Variants in SLC7A14 observed in about 807,000 individuals in gnomAD.
SLC7A14 encodes the protein solute carrier family 7 member 14.
SLC7A14 carries 37 observed loss-of-function variants against 60.2 expected under a neutral mutation model. That is an observed-to-expected ratio of 0.61 (90% CI 0.47 to 0.81). SLC7A14 has a LOEUF of 0.81. SLC7A14 is among the 30% of genes least tolerant of loss of function. SLC7A14 has a pLI of 0.00. For synonymous variants in SLC7A14, 399 were observed against 395.8 expected, an observed-to-expected ratio of 1.01 and a Z score of -0.10; for missense variants, 886 against 982.7, an observed-to-expected ratio of 0.90 and a Z score of 1.32.
intron 2 of SLC7A14, among the ~76,000 whole-genome samples, chr3:170,520,707 A>G (rs1310868919): frequency 6.6e-6 from 1 of 152,208 alleles, no homozygotes; most frequent in Non-Finnish European, 1.5e-5. Context: ...GTTATTATAG[A>G]CAGTGTATGA....
At chr3:170,577,501 C>A (rs1259419178) in intron 1 of SLC7A14, among the ~76,000 whole-genome samples, 2 of 151,358 alleles carry the variant, frequency 1.3e-5, no homozygotes, top group South Asian at 4.2e-4. Flanking sequence ...GCCTGTAGTC[C>A]CAGCTACTCG....
intron 1 of SLC7A14, among the ~76,000 whole-genome samples, chr3:170,584,249 TTATC>T (rs1327396986): frequency 3.3e-5 from 5 of 152,144 alleles, no homozygotes; most frequent in Non-Finnish European, 5.9e-5. Flanking sequence ...TTAGCGATCT[TTATC>T]TAGAGCATGT....
chr3:170,473,056 CAT>C (rs1288199259), intron 7 of SLC7A14, among the ~76,000 whole-genome samples: 2 of 152,294 alleles, frequency 1.3e-5, no homozygotes, highest in Non-Finnish European at 2.9e-5. Flanking sequence ...CATTGGGACT[CAT>C]ATCTCTTAAC....
At position 170,585,347 on chromosome 3, in the gene SLC7A14, G is replaced by C. The variant is rs950830886; in HGVS notation, c.-153+564C>G. Among the ~76,000 whole-genome samples the C allele has an allele frequency of 3.9e-5, 6 of 152,176 alleles. No homozygotes were observed. The highest frequency in any genetic ancestry group is 7.4e-5 in the Non-Finnish European group (5 of 68,018). On this transcript the variant is annotated intron_variant, in intron 1 of 7. Coordinates refer to ENST00000231706, the MANE Select transcript of SLC7A14 (RefSeq NM_020949.3). The surrounding 1 kb of genome is among the most constrained non-coding windows in gnomAD (Gnocchi z 5.1). ...GGGGCGCCACCATCCTGGTCGGGGT[G>C]CTGGGCTCGGCGGGAGTCCCTTTGA...
At chr3:170,572,229 A>T (rs1017743714) in intron 1 of SLC7A14, among the ~76,000 whole-genome samples, 3 of 152,200 alleles carry the variant, frequency 2.0e-5, no homozygotes, top group Non-Finnish European at 2.9e-5. Flanking sequence ...ATTAGGATTG[A>T]TCAGCTTCTG....
At position 170,465,501 on chromosome 3, in the gene SLC7A14, G is replaced by C. The variant is rs961595310; in HGVS notation, c.*1554C>G. The C allele has an allele frequency of 6.6e-6, 1 of 152,236 alleles. No individual in the cohort carries two copies. The highest frequency in any genetic ancestry group is 1.5e-5 in the Non-Finnish European group (1 of 68,054). The allele number at this position is 152,236 out of a possible 1,614,324, so 9.4% of individuals were successfully genotyped here. On this transcript the variant is annotated 3_prime_UTR_variant, in exon 8 of 8. Coordinates refer to ENST00000231706, the MANE Select transcript of SLC7A14 (RefSeq NM_020949.3). The stretch of plus-strand genomic sequence containing the variant: ...TTGCCATAATCCTAAAGCATGCCAA[G>C]ATGGCATGAGCCTCAGCCTTTCAGA...
At chr3:170,560,459 A>G (rs1214916876) in intron 1 of SLC7A14, among the ~76,000 whole-genome samples, 1 of 152,230 alleles carries the variant, frequency 6.6e-6, no homozygotes, top group Non-Finnish European at 1.5e-5. Context: ...CAACTCACAG[A>G]AAAGGAAGTC....
chr3:170,527,849 C>G (rs966794607), intron 1 of SLC7A14, among the ~76,000 whole-genome samples: 2 of 152,148 alleles, frequency 1.3e-5, no homozygotes, highest in African/African-American at 4.8e-5. Context: ...TGTCAACTCA[C>G]TCTCTTTTAC....
intron 1 of SLC7A14, among the ~76,000 whole-genome samples, chr3:170,561,880 C>G (rs532851490): frequency 2.0e-5 from 3 of 151,976 alleles, no homozygotes; most frequent in African/African-American, 7.3e-5. Flanking sequence ...GGCCAACAAA[C>G]GTATGAAAAA....
At chr3:170,482,907 T>TTC (rs913168843) in intron 6 of SLC7A14, among the ~76,000 whole-genome samples, 1 of 152,088 alleles carries the variant, frequency 6.6e-6, no homozygotes. Flanking sequence ...TGTTGACTTT[T>TTC]TTTTTTTTTC....
At chr3:170,522,167 T>A (rs532702035) in intron 2 of SLC7A14, among the ~76,000 whole-genome samples, 4 of 152,330 alleles carry the variant, frequency 2.6e-5, no homozygotes, top group African/African-American at 7.2e-5. Context: ...GGCAAAGAAC[T>A]GGAACTTTCA....
At chr3:170,478,416 T>C (rs922272697) in intron 7 of SLC7A14, among the ~76,000 whole-genome samples, 1 of 118,032 alleles carries the variant, frequency 8.5e-6, no homozygotes, top group African/African-American at 2.6e-5. Context: ...GGTTAAAATC[T>C]TGATGAGTCA....
At chr3:170,529,032 A>C (rs1713595504) in intron 1 of SLC7A14, among the ~76,000 whole-genome samples, 1 of 152,264 alleles carries the variant, frequency 6.6e-6, no homozygotes, top group Non-Finnish European at 1.5e-5. Context: ...AGTGGACGCC[A>C]AATCACACTG....
At chr3:170,558,304 G>GTTGCAGTGAGCTGAGA (rs1460547106) in intron 1 of SLC7A14, among the ~76,000 whole-genome samples, 1 of 152,140 alleles carries the variant, frequency 6.6e-6, no homozygotes, top group South Asian at 2.1e-4. Flanking sequence ...GGAAGCAGAG[G>GTTGCAGTGAGCTGAGA]TTGCAGTGAG....
At chr3:170,559,319 G>C (rs73163895) in intron 1 of SLC7A14, among the ~76,000 whole-genome samples, 13,549 of 152,000 alleles carry the variant, frequency 0.089, 774 homozygotes, top group African/African-American at 0.15. Flanking sequence ...ATATTTCTTT[G>C]AATCAGAAGA....
At chr3:170,507,912 G>A (rs997926711) in intron 2 of SLC7A14, among the ~76,000 whole-genome samples, 3 of 152,154 alleles carry the variant, frequency 2.0e-5, no homozygotes, top group Non-Finnish European at 4.4e-5. Context: ...GGACCCCCAG[G>A]GCTGTACTGA....
chr3:170,585,111 C>G lies in SLC7A14; in HGVS notation c.-153+800G>C, dbSNP rs1158178523. Among the ~76,000 whole-genome samples the G allele has an allele frequency of 5.3e-5, 8 of 152,188 alleles. No homozygotes were observed. The highest frequency in any genetic ancestry group is 5.2e-4 in the Admixed American group (8 of 15,284). ...GTGGGGGCTGCATCCCGCGTGGCCACGCAGCCCTAACCTGGCCCTCTTGGA... is the reference window on the plus strand; with the variant it reads ...GTGGGGGCTGCATCCCGCGTGGCCAGGCAGCCCTAACCTGGCCCTCTTGGA... On this transcript the variant is annotated intron_variant, in intron 1 of 7. Coordinates refer to ENST00000231706, the MANE Select transcript of SLC7A14 (RefSeq NM_020949.3). This position sits in a 1 kb window ranked among gnomAD's most constrained non-coding sequence, Gnocchi z 5.1.
rs546448994 is a variant in SLC7A14 at position 170,568,784 on chromosome 3, A to G, written c.-153+17127T>C. Among the ~76,000 whole-genome samples the G allele has an allele frequency of 7.2e-5, 11 of 152,224 alleles. No homozygotes were observed. The East Asian group carries it at 1.9e-3, about 27-fold the overall frequency. ...TCTCTTTGAAACAATTGTGAATGGG[A>G]GTTCACTCATGATTTGGCTCTCTGT... is the stretch of plus-strand genomic sequence containing the variant. On this transcript the variant is annotated intron_variant, in intron 1 of 7. Coordinates refer to ENST00000231706, the MANE Select transcript of SLC7A14 (RefSeq NM_020949.3).
intron 1 of SLC7A14, among the ~76,000 whole-genome samples, chr3:170,557,278 G>T (rs974518690): frequency 6.6e-6 from 1 of 152,110 alleles, no homozygotes; most frequent in African/African-American, 2.4e-5. Context: ...GGAATGTGGA[G>T]CCCATTTTTT....
Sources: gnomAD v4.1 joint callset for allele counts (sites outside exome capture counted in the v4.1 genomes callset) on GRCh38, gnomAD v4.1.1 for gene constraint, Gnocchi (gnomAD v3.1) non-coding constraint, MANE v1.5 for transcripts, NCBI Gene and HGNC (gene_info 2026-07-23, HGNC 2026-07-21) for gene names.